Variants in PARD3 observed in about 807,000 individuals in gnomAD.
PARD3 encodes par-3 family cell polarity regulator, also known as partitioning defective 3 homolog.
Under a neutral mutation model 155.4 loss-of-function variants are expected in PARD3, and 75 were observed. The observed-to-expected ratio is 0.48, with a 90% CI of 0.40 to 0.58. The LOEUF is 0.58. PARD3 is among the 20% of genes least tolerant of loss of function. The pLI is 0.00. For synonymous variants in PARD3, 576 were observed against 610.5 expected, an observed-to-expected ratio of 0.94 and a Z score of 0.83; for missense variants, 1,642 against 1,721.7, an observed-to-expected ratio of 0.95 and a Z score of 0.82.
At chr10:34,124,239 G>GA (rs2072336449) in intron 23 of PARD3, among the ~76,000 whole-genome samples, 1 of 152,190 alleles carries the variant, frequency 6.6e-6, no homozygotes, top group South Asian at 2.1e-4. Flanking sequence ...CACTTTGGAT[G>GA]AAAACCTGTG....
At chr10:34,196,652 C>A (rs1223420346) in intron 22 of PARD3, among the ~76,000 whole-genome samples, 1 of 146,808 alleles carries the variant, frequency 6.8e-6, no homozygotes, top group Non-Finnish European at 1.5e-5. Flanking sequence ...TGGCTCACTG[C>A]AAGCTCTGCC....
Position 34,382,912 on chromosome 10 carries a change from T to G in PARD3, c.1027A>C (p.Met343Leu), listed in dbSNP as rs1015152616. ...RNRRFEQAQHMFRQAMRTPII... is the reference protein window; with the variant it reads ...RNRRFEQAQHLFRQAMRTPII... ...GGTGTACGCATGGCTTGGCGAAACA[T>G]ATGTTGTGCTCTGGGTTTGAGAAAG... The change falls in exon 9 of 25, where the codon ATG (methionine) becomes CTG (leucine). Residue 343 changes from methionine (M) to leucine (L), a missense_variant. Met to Leu is a conservative substitution (Grantham distance 15, BLOSUM62 2). This residue lies in a region of PARD3 where 1,529 missense variants were observed against 1,587.3 expected (regional missense o/e 0.96). Transcript: ENST00000374788. 24 of 1,613,746 alleles carry G rather than the reference T, an allele frequency of 1.5e-5. No homozygotes were observed. Among genetic ancestry groups the G allele is most frequent in the Non-Finnish European group, 1.9e-5 (22 of 1,179,928 alleles).
intron 20 of PARD3, among the ~76,000 whole-genome samples, chr10:34,299,462 G>A (rs1049022721): frequency 7.9e-5 from 12 of 152,210 alleles, no homozygotes; most frequent in African/African-American, 2.9e-4. Flanking sequence ...CCAGCTGTAT[G>A]TATAGACAAC....
Position 34,648,721 on chromosome 10 carries a change from A to T in PARD3, c.222+47597T>A, listed in dbSNP as rs111446091. Among the ~76,000 whole-genome samples the T allele has an allele frequency of 6.8e-4, 103 of 152,314 alleles. 1 individual carries two copies. The highest frequency in any genetic ancestry group is 2.5e-3 in the African/African-American group (102 of 41,592). ...CAGCCTGGCTCCTAATGGGCCATGG[A>T]CCAGTACCACACAGTGGTCTGCGGG... On this transcript the variant is annotated intron_variant, in intron 2 of 24. Transcript: ENST00000374788.
intron 3 of PARD3, among the ~76,000 whole-genome samples, chr10:34,481,979 C>T (rs531787796): frequency 3.3e-5 from 5 of 151,602 alleles, no homozygotes; most frequent in East Asian, 1.9e-4. Flanking sequence ...CCACAGGTGC[C>T]CCCCACCATG....
intron 22 of PARD3, among the ~76,000 whole-genome samples, chr10:34,211,606 A>T (rs1951755198): frequency 6.6e-6 from 1 of 151,976 alleles, no homozygotes. Context: ...ACATGGTGAA[A>T]CCTCGTCTTC....
chr10:34,225,454 C>T (rs1952543892), intron 22 of PARD3, among the ~76,000 whole-genome samples: 1 of 151,812 alleles, frequency 6.6e-6, no homozygotes, highest in Non-Finnish European at 1.5e-5. Context: ...CAAGTGATTC[C>T]CTTGCCTCAG....
At chr10:34,807,845 T>C (rs1843598889) in intron 1 of PARD3, among the ~76,000 whole-genome samples, 1 of 151,610 alleles carries the variant, frequency 6.6e-6, no homozygotes, top group African/African-American at 2.4e-5. Flanking sequence ...CCAATATGAG[T>C]TGATGGAGAA....
chr10:34,338,162 A>C (rs1404832224), intron 16 of PARD3, among the ~76,000 whole-genome samples: 1 of 152,246 alleles, frequency 6.6e-6, no homozygotes, highest in Non-Finnish European at 1.5e-5. Flanking sequence ...ATCAGGAAGA[A>C]AATGACTAAG....
chr10:34,191,216 A>C (rs1425294345), intron 22 of PARD3, among the ~76,000 whole-genome samples: 1 of 151,962 alleles, frequency 6.6e-6, no homozygotes, highest in African/African-American at 2.4e-5. Context: ...TGCAAGGAGA[A>C]GAGGGCTGAT....
chr10:34,733,970 CA>C (rs1388666452), intron 1 of PARD3, among the ~76,000 whole-genome samples: 1 of 150,010 alleles, frequency 6.7e-6, no homozygotes, highest in African/African-American at 2.5e-5. Context: ...TTACCATAAG[CA>C]GTCATAGAAA....
intron 2 of PARD3, among the ~76,000 whole-genome samples, chr10:34,559,476 A>G (rs1379197058): frequency 1.3e-5 from 2 of 152,154 alleles, no homozygotes; most frequent in East Asian, 3.9e-4. Flanking sequence ...AAAAGAAACT[A>G]CAAGCCACTA....
intron 12 of PARD3, among the ~76,000 whole-genome samples, chr10:34,361,734 A>G (rs1822878818): frequency 6.6e-6 from 1 of 152,206 alleles, no homozygotes; most frequent in South Asian, 2.1e-4. Context: ...TGTAAAGTTA[A>G]CATTTTATGG....
intron 2 of PARD3, among the ~76,000 whole-genome samples, chr10:34,692,818 G>C (rs527671653): frequency 6.6e-6 from 1 of 152,340 alleles, no homozygotes; most frequent in South Asian, 2.1e-4. Flanking sequence ...AGGTTGCAGT[G>C]AGCTGAGATT....
intron 1 of PARD3, among the ~76,000 whole-genome samples, chr10:34,805,229 C>A (rs1412660467): frequency 6.6e-6 from 1 of 152,074 alleles, no homozygotes. Context: ...TGGTGGCAGG[C>A]GCCTGTAATC....
intron 12 of PARD3, among the ~76,000 whole-genome samples, chr10:34,361,724 T>C (rs1291797770): frequency 6.6e-6 from 1 of 152,182 alleles, no homozygotes. Flanking sequence ...TTTACAAATA[T>C]GTAAAGTTAA....
chr10:34,578,294 T>C lies in PARD3; in HGVS notation c.223-61135A>G, dbSNP rs542056560. ...TGCCATCCTTAAGCCCATTTATGCC[T>C]AGTGTTCCATTACTGGAACACCAAG... On this transcript the variant is annotated intron_variant, in intron 2 of 24. Transcript: ENST00000374788. Among the ~76,000 whole-genome samples, 3 of 152,306 alleles carry C rather than the reference T, an allele frequency of 2.0e-5. No individual in the cohort carries two copies. The East Asian group carries it at 5.8e-4, about 29-fold the overall frequency.
intron 1 of PARD3, among the ~76,000 whole-genome samples, chr10:34,794,036 A>T (rs147913075): frequency 1.2e-4 from 18 of 152,216 alleles, no homozygotes; most frequent in Non-Finnish European, 8.8e-5. Context: ...CAAACTCAAC[A>T]TATGGTTGAA....
At chr10:34,236,678 G>A (rs1051303972) in intron 22 of PARD3, among the ~76,000 whole-genome samples, 7 of 152,254 alleles carry the variant, frequency 4.6e-5, no homozygotes, top group Admixed American at 1.3e-4. Context: ...GACGGAAAAC[G>A]TTAACAGATG....
Sources: allele counts gnomAD v4.1 joint callset (sites outside exome capture counted in the v4.1 genomes callset), GRCh38; gene constraint gnomAD v4.1.1; regional missense constraint gnomAD v4.1.1; transcripts MANE v1.5; gene names NCBI Gene and HGNC (gene_info 2026-07-23, HGNC 2026-07-21).